The following PAK4 variants were observed in gnomAD, a reference collection of about 807,000 sequenced individuals.
PAK4 encodes p21 (RAC1) activated kinase 4.
In PAK4, 49 loss-of-function variants were observed where a neutral mutation model predicts 53.5. The observed-to-expected ratio is 0.92, with a 90% CI of 0.73 to 1.16. The LOEUF is 1.16. PAK4 is among the 50% of genes most tolerant of loss of function. The pLI is 0.00. For synonymous variants in PAK4, 376 were observed against 375.6 expected, an observed-to-expected ratio of 1.00 and a Z score of -0.01; for missense variants, 824 against 850.7, an observed-to-expected ratio of 0.97 and a Z score of 0.39.
intron 1 of PAK4, among the ~76,000 whole-genome samples, chr19:39,127,456 A>G (rs1206716459): frequency 6.6e-6 from 1 of 151,334 alleles, no homozygotes; most frequent in Non-Finnish European, 1.5e-5. Context: ...TTTTTCTCTC[A>G]TCTGACCAGC....
At chr19:39,144,710 C>CA (rs1327721515) in intron 1 of PAK4, among the ~76,000 whole-genome samples, 3 of 152,196 alleles carry the variant, frequency 2.0e-5, no homozygotes, top group African/African-American at 7.2e-5. Flanking sequence ...CCAGGAGTTA[C>CA]AAGGGGCCAG....
intron 1 of PAK4, among the ~76,000 whole-genome samples, chr19:39,157,596 C>T (rs570932260): frequency 6.6e-6 from 1 of 152,228 alleles, no homozygotes; most frequent in Non-Finnish European, 1.5e-5. Context: ...GCACGCTCTG[C>T]TGGTGCCCCA....
At chr19:39,159,751 T>G (rs2074253310) in intron 1 of PAK4, among the ~76,000 whole-genome samples, 1 of 152,110 alleles carries the variant, frequency 6.6e-6, no homozygotes, top group Non-Finnish European at 1.5e-5. Flanking sequence ...GGCAGGGGGC[T>G]CTTCAGGACC....
chr19:39,144,166 TTAGA>T (rs57079317), intron 1 of PAK4, among the ~76,000 whole-genome samples: 434 of 134,750 alleles, frequency 3.2e-3, no homozygotes, highest in African/African-American at 0.01. Context: ...ATAGATTAGA[TTAGA>T]TAGATAGATA....
intron 2 of PAK4, among the ~76,000 whole-genome samples, chr19:39,171,610 G>A (rs1054914735): frequency 1.3e-5 from 2 of 152,250 alleles, no homozygotes; most frequent in Non-Finnish European, 1.5e-5. Context: ...GGAGAGACAG[G>A]GCAGCGGCAG....
intron 1 of PAK4, among the ~76,000 whole-genome samples, chr19:39,143,592 C>CATAAAA (rs2073947436): frequency 4.9e-5 from 1 of 20,430 alleles, no homozygotes; most frequent in Non-Finnish European, 8.9e-5. Context: ...GACTCTGTCT[C>CATAAAA]AAAAAAAAAA....
intron 2 of PAK4, among the ~76,000 whole-genome samples, chr19:39,172,267 G>A (rs7257109): frequency 0.57 from 86,702 of 151,284 alleles, 26,499 homozygotes; most frequent in African/African-American, 0.8. Flanking sequence ...GAAATGGAAC[G>A]GGGGCAGAGG....
At position 39,178,442 on chromosome 19, in the gene PAK4, G is replaced by C; in HGVS notation, c.1639G>C (p.Gly547Arg). The C allele has an allele frequency of 1.3e-6, 2 of 1,592,782 alleles. No individual in the cohort carries two copies. The highest frequency in any genetic ancestry group is 1.7e-6 in the Non-Finnish European group (2 of 1,170,638). ...TCGACAGGTGTCGCCATCCCTGAAG[G>C]GCTTCCTGGACCGCCTGCTGGTGCG... The change falls in exon 9 of 9, where the codon GGC becomes CGC. Residue 547 changes from glycine (G) to arginine (R), a missense_variant. Transcript: ENST00000358301. The surrounding 1 kb of genome is among the most constrained non-coding windows in gnomAD (Gnocchi z 4.4).
chr19:39,127,059 G>T (rs987271475), intron 1 of PAK4, among the ~76,000 whole-genome samples: 1 of 152,096 alleles, frequency 6.6e-6, no homozygotes, highest in Non-Finnish European at 1.5e-5. Context: ...CCTTGGAAGG[G>T]TGTGATCTGG....
chr19:39,156,038 A>C (rs1600358817), intron 1 of PAK4, among the ~76,000 whole-genome samples: 1 of 150,520 alleles, frequency 6.6e-6, no homozygotes, highest in Non-Finnish European at 1.5e-5. Context: ...TGCCATCCAC[A>C]CCTCCCGGCC....
intron 1 of PAK4, among the ~76,000 whole-genome samples, chr19:39,133,855 G>A (rs927981298): frequency 1.3e-5 from 2 of 152,192 alleles, no homozygotes; most frequent in Admixed American, 6.5e-5. Context: ...GAAGGCGGCC[G>A]GTCTTCCTGG....
chr19:39,176,227 T>G (rs888549140), intron 6 of PAK4, among the ~76,000 whole-genome samples: 1 of 152,220 alleles, frequency 6.6e-6, no homozygotes, highest in African/African-American at 2.4e-5. Context: ...CCAACCGAAC[T>G]AAAGACTTGT....
chr19:39,131,297 G>T (rs1414545032), intron 1 of PAK4, among the ~76,000 whole-genome samples: 1 of 152,122 alleles, frequency 6.6e-6, no homozygotes, highest in Non-Finnish European at 1.5e-5. Flanking sequence ...GTGGAGACCT[G>T]TTCCCCCTGG....
At chr19:39,144,593 A>G (rs1390569810) in intron 1 of PAK4, among the ~76,000 whole-genome samples, 1 of 152,202 alleles carries the variant, frequency 6.6e-6, no homozygotes, top group East Asian at 1.9e-4. Context: ...GGATTGGAGC[A>G]GGATTGAGAG....
Position 39,178,641 on chromosome 19 carries a change from A to C in PAK4, c.*62A>C. 7.0e-7 allele frequency: 1 copy of C among 1,438,162 alleles called. No homozygotes were observed. 89.1% of individuals were successfully genotyped at this position (1,438,162 alleles called of 1,614,324 possible). A position where few individuals can be genotyped will look rare whatever the true frequency, so the allele number is the denominator to read the frequency against. On this transcript the variant is annotated 3_prime_UTR_variant, in exon 9 of 9. Coordinates refer to ENST00000358301, the Ensembl canonical transcript of PAK4. The surrounding 1 kb of genome is among the most constrained non-coding windows in gnomAD (Gnocchi z 4.4). ...GGGTCACCCCCGCCCCACTGAGGCC[A>C]GTAGGGGGCCAGGCCTCCCACTCCT...
chr19:39,181,601 G>A (rs561652902), downstream of PAK4: 5 of 152,526 alleles, frequency 3.3e-5, no homozygotes, highest in African/African-American at 1.2e-4. Flanking sequence ...CTCCCACCCA[G>A]GAGCCTCCTC....
chr19:39,153,645 T>A lies in PAK4; in HGVS notation c.-22-15887T>A, dbSNP rs541498113. Among the ~76,000 whole-genome samples the A allele has an allele frequency of 2.6e-4, 39 of 152,352 alleles. 1 individual carries two copies. In the South Asian group the frequency reaches 3.3e-3, roughly 13 times the overall value. ...TTAGTAGAGACGGAGCTTCACCATG[T>A]TGGTCAGGCTGGTCTTGATCTCCTG... On this transcript the variant is annotated intron_variant, in intron 1 of 8. Coordinates refer to ENST00000358301, the Ensembl canonical transcript of PAK4.
At chr19:39,168,631 T>C (rs1391084800) in intron 1 of PAK4, 1 of 152,290 alleles carries the variant, frequency 6.6e-6, no homozygotes, top group Admixed American at 6.5e-5. Context: ...CCAGGCTCTC[T>C]ATGGGATGCC....
intron 1 of PAK4, among the ~76,000 whole-genome samples, chr19:39,128,600 G>A (rs1055395795): frequency 1.6e-4 from 24 of 152,158 alleles, no homozygotes; most frequent in African/African-American, 4.8e-4. Flanking sequence ...CCTTCAACAC[G>A]TTTGGCTAGG....
Sources: gnomAD v4.1 joint callset for allele counts (sites outside exome capture counted in the v4.1 genomes callset) on GRCh38, gnomAD v4.1.1 for gene constraint, Gnocchi (gnomAD v3.1) non-coding constraint, MANE v1.5 for transcripts, NCBI Gene and HGNC (gene_info 2026-07-23, HGNC 2026-07-21) for gene names.